QSOX1: variants seen among roughly 807,000 people sequenced by gnomAD.
QSOX1 encodes quiescin sulfhydryl oxidase 1, also known as sulfhydryl oxidase 1.
Under a neutral mutation model 76.1 loss-of-function variants are expected in QSOX1, and 40 were observed. The observed-to-expected ratio is 0.53, with a 90% CI of 0.41 to 0.68. The LOEUF (loss-of-function observed/expected upper bound fraction) is 0.68. Among genes scored for constraint, QSOX1 ranks in the 30% least tolerant of loss-of-function variants. The pLI, the probability that QSOX1 is intolerant of heterozygous loss-of-function variation, is 0.00. For missense variants in QSOX1, 931 were observed against 974.3 expected (o/e 0.96, Z 0.59); for synonymous variants, 392 against 413.1 (o/e 0.95, Z 0.62).
At position 180,197,293 on chromosome 1, in the gene QSOX1, T is replaced by C. The variant is rs1396560655; in HGVS notation, c.*256T>C. 1 of 1,613,790 alleles carries C rather than the reference T, an allele frequency of 6.2e-7. No homozygotes were observed. Among genetic ancestry groups the C allele is most frequent in the South Asian group, 1.1e-5 (1 of 91,078 alleles). On this transcript the variant is annotated 3_prime_UTR_variant, in exon 12 of 12. Coordinates refer to ENST00000367602, the MANE Select transcript of QSOX1 (RefSeq NM_002826.5). ...CCCCGGGCAGTGGGCATAGGGCAGC[T>C]CAGTCCCTGGCCTCTTAGCACCACA...
chr1:180,165,871 C>T (rs373892015), intron 1 of QSOX1, among the ~76,000 whole-genome samples: 30 of 152,346 alleles, frequency 2.0e-4, no homozygotes, highest in African/African-American at 6.3e-4. Context: ...CCTTGTGGCC[C>T]GGGGCCTGAT....
chr1:180,178,934 A>T, intron 5 of QSOX1, 50 bp downstream of exon 5: 1 of 1,535,774 alleles, frequency 6.5e-7, no homozygotes. Flanking sequence ...ATGGAGAGAG[A>T]GCCCCAGTTT....
chr1:180,185,665 TTATGTC>T (rs1283863587), intron 7 of QSOX1, among the ~76,000 whole-genome samples: 33 of 152,170 alleles, frequency 2.2e-4, no homozygotes, highest in African/African-American at 5.8e-4. Flanking sequence ...GCTGGTCTGA[TTATGTC>T]TAGTGGTCTT....
At chr1:180,176,061 C>T in intron 4 of QSOX1, 28 bp downstream of exon 4, 1 of 1,527,182 alleles carries the variant, frequency 6.5e-7, no homozygotes, top group Non-Finnish European at 8.9e-7. Flanking sequence ...AGGCTTAGTG[C>T]ATTGTGGGCC....
At position 180,199,057 on chromosome 1, in the gene QSOX1, G is replaced by A. The variant is rs1663574867; in HGVS notation, c.*2020G>A. ...CGCAGCAGCCCGGGCTGCACAGTGT[G>A]TAGCCCAGCCTCCAGGTCCACGGAG... is the stretch of plus-strand genomic sequence containing the variant. On this transcript the variant is annotated 3_prime_UTR_variant, in exon 12 of 12. Transcript: ENST00000367602. 6.5e-6 allele frequency: 1 copy of A among 153,356 alleles called. No homozygotes were observed. The highest frequency in any genetic ancestry group is 2.4e-5 in the African/African-American group (1 of 41,468). 9.5% of individuals were successfully genotyped at this position (153,356 alleles called of 1,614,324 possible).
intron 1 of QSOX1, among the ~76,000 whole-genome samples, chr1:180,162,059 T>C (rs1360251734): frequency 3.3e-5 from 5 of 152,234 alleles, no homozygotes; most frequent in African/African-American, 1.2e-4. Flanking sequence ...TGAGAGTTCA[T>C]AGTAATAATG....
At chr1:180,164,740 TA>T (rs1257330464) in intron 1 of QSOX1, among the ~76,000 whole-genome samples, 1 of 152,236 alleles carries the variant, frequency 6.6e-6, no homozygotes, top group Non-Finnish European at 1.5e-5. Context: ...GAGTAAGTTC[TA>T]GGGTGGAGTA....
At chr1:180,185,655 G>A (rs1306103958) in intron 7 of QSOX1, among the ~76,000 whole-genome samples, 1 of 152,212 alleles carries the variant, frequency 6.6e-6, no homozygotes, top group Non-Finnish European at 1.5e-5. Context: ...GTATGAACCT[G>A]CTGGTCTGAT....
chr1:180,179,116 C>T (rs1486447568), intron 5 of QSOX1, among the ~76,000 whole-genome samples: 2 of 152,354 alleles, frequency 1.3e-5, no homozygotes, highest in South Asian at 2.1e-4. Flanking sequence ...ATAACACCTG[C>T]TGTTATTGAG....
rs144941586 is a variant in QSOX1, at chr1:180,175,968, C to T, written c.450C>T (p.Leu150=). 1.9e-6 allele frequency: 3 copies of T among 1,601,140 alleles called. No individual in the cohort carries two copies. Among genetic ancestry groups the T allele is most frequent in the African/African-American group, 2.7e-5 (2 of 74,840 alleles). The part of the protein sequence containing the change: ...GADVQTLRER[L]IDALESHHDT... ...ACGTGCAGACACTGCGGGAGAGGCT[C>T]ATTGACGCCCTGGAGTCCCATCATG... The change falls in exon 4 of 12, where the codon CTC becomes CTT. Residue 150 remains leucine (L), a synonymous_variant. Coordinates refer to ENST00000367602, the MANE Select transcript of QSOX1 (RefSeq NM_002826.5).
At chr1:180,174,635 G>C (rs1662839706) in intron 2 of QSOX1, among the ~76,000 whole-genome samples, 1 of 152,224 alleles carries the variant, frequency 6.6e-6, no homozygotes, top group African/African-American at 2.4e-5. Flanking sequence ...AGTCTGCAAA[G>C]GAAAACAGCA....
At chr1:180,192,471 C>G (rs189997404) in intron 10 of QSOX1, among the ~76,000 whole-genome samples, 9 of 152,316 alleles carry the variant, frequency 5.9e-5, no homozygotes, top group African/African-American at 1.9e-4. Context: ...CATGCTCGCC[C>G]AGCAGTGGTG....
At chr1:180,192,806 A>G (rs1386586773) in intron 10 of QSOX1, among the ~76,000 whole-genome samples, 2 of 152,280 alleles carry the variant, frequency 1.3e-5, no homozygotes, top group African/African-American at 4.8e-5. Flanking sequence ...AGTCATTAGT[A>G]GCATCAGAGC....
At chr1:180,164,990 C>T (rs987554286) in intron 1 of QSOX1, among the ~76,000 whole-genome samples, 35 of 152,142 alleles carry the variant, frequency 2.3e-4, no homozygotes, top group African/African-American at 8.5e-4. Context: ...AGTGAGAACT[C>T]ACTCGTTATC....
chr1:180,175,364 C>T lies in QSOX1; in HGVS notation c.410C>T (p.Pro137Leu). 1 of 1,613,742 alleles carries T rather than the reference C, an allele frequency of 6.2e-7. No individual in the cohort carries two copies. The highest frequency in any genetic ancestry group is 8.5e-7 in the Non-Finnish European group (1 of 1,179,872). ...AAGAACGGCTCGGGAGCAGTATTTC[C>T]AGGTGGGTGCCCAGCTCTGGTTGTC... ...FTKNGSGAVFPVAGADVQTLR... is the reference protein window; with the variant it reads ...FTKNGSGAVFLVAGADVQTLR... Residue 137 changes from proline (P) to leucine (L), a missense_variant and splice_region_variant, in exon 3 of 12, where the codon CCA becomes CTA. By Grantham distance (98) the Pro-to-Leu change is moderately conservative. Coordinates refer to ENST00000367602, the MANE Select transcript of QSOX1 (RefSeq NM_002826.5).
In QSOX1 at chr1:180,190,563, A is replaced by G; in HGVS notation, c.1271A>G (p.Asp424Gly). 1.2e-6 allele frequency: 2 copies of G among 1,613,908 alleles called. No homozygotes were observed. The highest frequency in any genetic ancestry group is 2.2e-5 in the East Asian group (1 of 44,874). The change falls in exon 10 of 12, where the codon GAC (aspartate) becomes GGC (glycine). Residue 424 changes from aspartate (D) to glycine (G), a missense_variant. Transcript: ENST00000367602. ...LTVQAARQNV[D>G]HSQEAAKAKE... ...GTGCAGGCAGCTCGGCAAAATGTAGACCACTCACAGGAAGCAGGTACGTCC... is the reference window on the plus strand; with the variant it reads ...GTGCAGGCAGCTCGGCAAAATGTAGGCCACTCACAGGAAGCAGGTACGTCC...
Position 180,197,629 on chromosome 1 carries a change from G to C in QSOX1, c.*592G>C. On this transcript the variant is annotated 3_prime_UTR_variant, in exon 12 of 12. Transcript: ENST00000367602. ...TGGGGTTTGGAAGCTTCTGGAAGTC[G>C]TGCTGGTCTCCCAGGTGAGGCAAGC... The C allele has an allele frequency of 2.0e-6, 1 of 493,886 alleles. No individual in the cohort carries two copies. The highest frequency in any genetic ancestry group is 3.7e-6 in the Non-Finnish European group (1 of 272,992). The allele number at this position is 493,886 out of a possible 1,614,324, so 30.6% of individuals were successfully genotyped here.
At chr1:180,183,822 G>C (rs113478936) in intron 6 of QSOX1, 94 bp from the exon 7 acceptor site, 54 of 1,370,892 alleles carry the variant, frequency 3.9e-5, no homozygotes, top group Non-Finnish European at 5.2e-5. Flanking sequence ...CTTCCTGTCC[G>C]ATGAGCCACC....
intron 2 of QSOX1, 69 bp downstream of exon 2, chr1:180,166,660 A>G: frequency 6.9e-7 from 1 of 1,452,208 alleles, no homozygotes; most frequent in Non-Finnish European, 9.6e-7. Context: ...GAAAGGGACC[A>G]TGTGGGATGT....
Sources: allele counts gnomAD v4.1 joint callset (sites outside exome capture counted in the v4.1 genomes callset), GRCh38; gene constraint gnomAD v4.1.1; transcripts MANE v1.5; gene names NCBI Gene and HGNC (gene_info 2026-07-23, HGNC 2026-07-21).